PDE8A: variants seen among roughly 807,000 people sequenced by gnomAD.
The protein encoded by PDE8A is phosphodiesterase 8A, also known as high affinity cAMP-specific and IBMX-insensitive 3',5'-cyclic phosphodiesterase 8A.
PDE8A carries 59 observed loss-of-function variants against 105.0 expected under a neutral mutation model. The ratio of observed to expected loss-of-function variants is 0.56; its 90% confidence interval spans 0.46 to 0.70. The LOEUF (loss-of-function observed/expected upper bound fraction) is 0.70, where lower values mean the gene tolerates loss of function less well. Among genes scored for constraint, PDE8A ranks in the 30% least tolerant of loss-of-function variants. PDE8A has a pLI of 0.00. For missense variants in PDE8A, 1,014 were observed against 1,045.9 expected (o/e 0.97, Z 0.42); for synonymous variants, 355 against 371.9 (o/e 0.95, Z 0.52).
At chr15:85,099,481 G>C (rs2081820530) in intron 9 of PDE8A, among the ~76,000 whole-genome samples, 1 of 152,176 alleles carries the variant, frequency 6.6e-6, no homozygotes, top group Non-Finnish European at 1.5e-5. Flanking sequence ...TGATTATCAA[G>C]GGGAAAAAGT....
rs946094452 is a variant in PDE8A at position 85,038,210 on chromosome 15, TTGGGGGGTGTGTGTGTG to T, written c.187-26157_187-26141del. The stretch of plus-strand genomic sequence containing the variant: ...TCTAACTCTGCAAGGCTCTCTCCAA[TTGGGGGGTGTGTGTGTG>T]TGTGTGTGTGTGTGTGTGTGTGTGT... On this transcript the variant is annotated intron_variant, in intron 1 of 21. Transcript: ENST00000394553. Among the ~76,000 whole-genome samples the T allele has an allele frequency of 1.8e-4, 18 of 99,280 alleles. No individual in the cohort carries two copies. In the Admixed American group the frequency reaches 2.0e-3, roughly 11 times the overall value. 65.1% of individuals were successfully genotyped at this position (99,280 alleles called of 152,430 possible).
chr15:85,078,548 CAAAA>C (rs72174562), intron 5 of PDE8A, among the ~76,000 whole-genome samples: 6 of 94,346 alleles, frequency 6.4e-5, no homozygotes, highest in Non-Finnish European at 8.5e-5. Context: ...TACTCCATCT[CAAAA>C]AAAAAAAAAA....
At chr15:84,993,998 C>T (rs2079934726) in intron 1 of PDE8A, among the ~76,000 whole-genome samples, 1 of 152,130 alleles carries the variant, frequency 6.6e-6, no homozygotes, top group Non-Finnish European at 1.5e-5. Flanking sequence ...CTCATTTTCT[C>T]TTCTGCAGCT....
At chr15:85,026,638 A>G (rs1233978836) in intron 1 of PDE8A, among the ~76,000 whole-genome samples, 1 of 152,162 alleles carries the variant, frequency 6.6e-6, no homozygotes, top group Admixed American at 6.5e-5. Context: ...TAGAGAGTCA[A>G]AAGATTTGTG....
chr15:85,130,741 G>A (rs1877685783), intron 20 of PDE8A, among the ~76,000 whole-genome samples: 1 of 152,112 alleles, frequency 6.6e-6, no homozygotes, highest in South Asian at 2.1e-4. Flanking sequence ...GGTATTTGAT[G>A]CTTATATGCT....
At chr15:85,030,618 C>A (rs1459621390) in intron 1 of PDE8A, among the ~76,000 whole-genome samples, 1 of 152,194 alleles carries the variant, frequency 6.6e-6, no homozygotes, top group Non-Finnish European at 1.5e-5. Flanking sequence ...CCCTCTGCAG[C>A]CTCATCTACT....
chr15:85,044,891 AT>A (rs2080863516), intron 1 of PDE8A, among the ~76,000 whole-genome samples: 3 of 152,272 alleles, frequency 2.0e-5, no homozygotes, highest in East Asian at 1.9e-4. Flanking sequence ...TAAAATTCAA[AT>A]GTCTTGTCCT....
intron 20 of PDE8A, among the ~76,000 whole-genome samples, chr15:85,133,446 C>T (rs1038106413): frequency 5.9e-5 from 9 of 152,164 alleles, no homozygotes; most frequent in East Asian, 3.9e-4. Flanking sequence ...GAAACTGGGC[C>T]GCTGCCTCCT....
At position 85,121,570 on chromosome 15, in the gene PDE8A, CTG is replaced by C. The variant is rs528975252; in HGVS notation, c.1952+559_1952+560del. 1.8e-3 allele frequency among the ~76,000 whole-genome samples: 274 copies of C among 152,258 alleles called. 1 individual carries two copies. Among genetic ancestry groups the C allele is most frequent in the African/African-American group, 6.0e-3 (249 of 41,548 alleles). On this transcript the variant is annotated intron_variant, in intron 18 of 21. Transcript: ENST00000394553. ...GTAAGGTCACAAGGGTCATATGTCA[CTG>C]TGCCCTCGGTGCCCTCAGTGCCACA...
chr15:85,054,138 T>C (rs1596475075), intron 1 of PDE8A, among the ~76,000 whole-genome samples: 4 of 152,358 alleles, frequency 2.6e-5, no homozygotes, highest in Admixed American at 2.6e-4. Context: ...TTTTGTATGT[T>C]GAACCAGTCT....
intron 1 of PDE8A, among the ~76,000 whole-genome samples, chr15:84,985,269 C>A (rs573679920): frequency 6.6e-6 from 1 of 152,204 alleles, no homozygotes; most frequent in African/African-American, 2.4e-5. Context: ...TACTTTAGAT[C>A]TTGCAATATA....
intron 20 of PDE8A, among the ~76,000 whole-genome samples, chr15:85,127,313 G>A (rs1371872046): frequency 6.6e-6 from 1 of 152,158 alleles, no homozygotes; most frequent in African/African-American, 2.4e-5. Context: ...CCTTGTATTG[G>A]TGTTCCTCAT....
intron 20 of PDE8A, among the ~76,000 whole-genome samples, chr15:85,134,978 C>T (rs1399929064): frequency 1.3e-5 from 2 of 152,146 alleles, no homozygotes; most frequent in African/African-American, 4.8e-5. Context: ...AGTGCCGGAG[C>T]TGGTGCCGTA....
chr15:85,062,742 G>A (rs922834482), intron 1 of PDE8A: 5 of 152,118 alleles, frequency 3.3e-5, no homozygotes, highest in Non-Finnish European at 5.9e-5. Flanking sequence ...AATTAACTGC[G>A]GTTTACCATC....
At chr15:85,054,649 A>C (rs1281060146) in intron 1 of PDE8A, among the ~76,000 whole-genome samples, 3 of 151,944 alleles carry the variant, frequency 2.0e-5, no homozygotes, top group Non-Finnish European at 4.4e-5. Context: ...TTTCTGTGGG[A>C]TCGGTGGTTA....
chr15:85,046,071 T>C (rs1051140059), intron 1 of PDE8A, among the ~76,000 whole-genome samples: 2 of 150,488 alleles, frequency 1.3e-5, no homozygotes, highest in Admixed American at 6.6e-5. Context: ...GTTTCTTTTT[T>C]TTTTTTTTTT....
At chr15:85,133,457 C>G (rs2082358104) in intron 20 of PDE8A, among the ~76,000 whole-genome samples, 1 of 152,212 alleles carries the variant, frequency 6.6e-6, no homozygotes, top group Non-Finnish European at 1.5e-5. Flanking sequence ...GCTGCCTCCT[C>G]CAGACCAAGA....
intron 1 of PDE8A, among the ~76,000 whole-genome samples, chr15:85,053,313 T>C (rs1380399082): frequency 6.6e-6 from 1 of 152,244 alleles, no homozygotes; most frequent in African/African-American, 2.4e-5. Flanking sequence ...GGCTCTTTTA[T>C]GGTTCCATAT....
Position 85,017,844 on chromosome 15 carries a change from G to A in PDE8A, c.186+35496G>A, listed in dbSNP as rs189173019. Among the ~76,000 whole-genome samples, 132 of 126,626 alleles carry A rather than the reference G, an allele frequency of 1.0e-3. 1 individual carries two copies. The highest frequency in any genetic ancestry group is 3.8e-3 in the African/African-American group (127 of 33,218). 83.1% of individuals were successfully genotyped at this position (126,626 alleles called of 152,430 possible). A position where few individuals can be genotyped will look rare whatever the true frequency, so the allele number is the denominator to read the frequency against. On this transcript the variant is annotated intron_variant, in intron 1 of 21. Coordinates refer to ENST00000394553, the MANE Select transcript of PDE8A (RefSeq NM_002605.3). ...AGAGGTTGCAGTGAGCCGAGATCGCGCCATTGCACTCCAGCCTGAGCAACA... is the reference window on the plus strand; with the variant it reads ...AGAGGTTGCAGTGAGCCGAGATCGCACCATTGCACTCCAGCCTGAGCAACA...
Sources: allele counts gnomAD v4.1 joint callset (sites outside exome capture counted in the v4.1 genomes callset), GRCh38; gene constraint gnomAD v4.1.1; transcripts MANE v1.5; gene names NCBI Gene and HGNC (gene_info 2026-07-23, HGNC 2026-07-21).